The following AFF1 variants were observed in gnomAD, a reference collection of about 807,000 sequenced individuals.
AFF1 encodes ALF transcription elongation factor 1.
In AFF1, 48 loss-of-function variants were observed where a neutral mutation model predicts 121.7. The observed-to-expected ratio is 0.39, with a 90% CI of 0.31 to 0.50. AFF1 has a LOEUF of 0.50. AFF1 is among the 20% of genes least tolerant of loss of function. The pLI is 0.76. For synonymous variants in AFF1, 613 were observed against 563.0 expected, an observed-to-expected ratio of 1.09 and a Z score of -1.26; for missense variants, 1,523 against 1,511.7, an observed-to-expected ratio of 1.01 and a Z score of -0.12.
chr4:86,984,074 T>C (rs1252814388), intron 2 of AFF1, among the ~76,000 whole-genome samples: 1 of 152,096 alleles, frequency 6.6e-6, no homozygotes, highest in Non-Finnish European at 1.5e-5. Context: ...GCTTTGCCAA[T>C]GTATCTAGTG....
chr4:87,112,665 G>C (rs1240202980), intron 11 of AFF1, among the ~76,000 whole-genome samples: 2 of 152,106 alleles, frequency 1.3e-5, no homozygotes, highest in African/African-American at 4.8e-5. Flanking sequence ...TGTTCCACTC[G>C]GGAAAATTGT....
chr4:87,071,639 C>G (rs1291852188), intron 4 of AFF1, among the ~76,000 whole-genome samples: 1 of 152,162 alleles, frequency 6.6e-6, no homozygotes, highest in African/African-American at 2.4e-5. Flanking sequence ...ATGAAGTAGT[C>G]AGGAGGGCCA....
chr4:87,105,595 A>G (rs189361511), intron 8 of AFF1, 33 bp from the exon 9 acceptor site: 85 of 1,613,442 alleles, frequency 5.3e-5, no homozygotes, highest in Non-Finnish European at 4.8e-5. Flanking sequence ...ATCATTTCAC[A>G]TTCATTCTTC....
At chr4:87,076,590 A>G (rs1293040027) in intron 4 of AFF1, among the ~76,000 whole-genome samples, 3 of 152,252 alleles carry the variant, frequency 2.0e-5, no homozygotes, top group African/African-American at 7.2e-5. Flanking sequence ...AAAGCTGTTC[A>G]GAGCACCTTA....
intron 12 of AFF1, among the ~76,000 whole-genome samples, chr4:87,116,565 G>T (rs1251776304): frequency 6.6e-6 from 1 of 152,354 alleles, no homozygotes; most frequent in East Asian, 1.9e-4. Context: ...AGGAAAAAAA[G>T]ATTATGAAGC....
intron 2 of AFF1, among the ~76,000 whole-genome samples, chr4:86,998,912 G>A (rs28544381): frequency 0.039 from 5,915 of 152,244 alleles, 197 homozygotes; most frequent in African/African-American, 0.092. Context: ...TATGTGTGGA[G>A]AACAAGCCAG....
chr4:86,949,395 G>A (rs1721105622), intron 2 of AFF1, among the ~76,000 whole-genome samples: 2 of 150,708 alleles, frequency 1.3e-5, no homozygotes, highest in Admixed American at 6.6e-5. Flanking sequence ...AATTACAGGC[G>A]TGAGCCTCTG....
chr4:86,945,148 T>TA (rs1720763176), intron 1 of AFF1, among the ~76,000 whole-genome samples: 1 of 152,310 alleles, frequency 6.6e-6, no homozygotes, highest in Admixed American at 6.5e-5. Context: ...GCTTCTCAGT[T>TA]ACTCTGGAAG....
chr4:86,988,613 T>G (rs1054767784), intron 2 of AFF1, among the ~76,000 whole-genome samples: 35 of 152,298 alleles, frequency 2.3e-4, no homozygotes, highest in African/African-American at 8.2e-4. Context: ...ATGGCCATAC[T>G]GCCCAAAGTA....
chr4:87,006,828 C>T (rs572056240), intron 2 of AFF1, among the ~76,000 whole-genome samples: 3 of 152,342 alleles, frequency 2.0e-5, no homozygotes, highest in African/African-American at 4.8e-5. Context: ...CTTGTCGGCG[C>T]CCAGGCTCTG....
Position 87,136,854 on chromosome 4 carries a change from T to G in AFF1, c.*1153T>G. On this transcript the variant is annotated 3_prime_UTR_variant, in exon 21 of 21. Transcript: ENST00000395146. ...CCTTGATTGTCTAGGGGAAGTTAAC[T>G]CCCTGAGAGGATGTAGAGATTTGGG... The G allele has an allele frequency of 4.5e-6, 1 of 220,944 alleles. No individual in the cohort carries two copies. Among genetic ancestry groups the G allele is most frequent in the Middle Eastern group, 1.4e-3 (1 of 722 alleles). The allele number at this position is 220,944 out of a possible 1,614,324, so 13.7% of individuals were successfully genotyped here. A position where few individuals can be genotyped will look rare whatever the true frequency, so the allele number is the denominator to read the frequency against.
At position 87,051,919 on chromosome 4, in the gene AFF1, C is replaced by T. The variant is rs565251077; in HGVS notation, c.1059+4325C>T. ...AATATAGTTATAATGAAATCATAGGCGTTGATAAGAGTGCCGCAAGAAGTA... is the reference window on the plus strand; with the variant it reads ...AATATAGTTATAATGAAATCATAGGTGTTGATAAGAGTGCCGCAAGAAGTA... On this transcript the variant is annotated intron_variant, in intron 4 of 20. Transcript: ENST00000395146. Among the ~76,000 whole-genome samples, 228 of 152,162 alleles carry T rather than the reference C, an allele frequency of 1.5e-3. 1 individual carries two copies. The highest frequency in any genetic ancestry group is 2.4e-3 in the Non-Finnish European group (164 of 68,022).
At chr4:87,112,446 A>G (rs1410208212) in intron 11 of AFF1, among the ~76,000 whole-genome samples, 1 of 152,248 alleles carries the variant, frequency 6.6e-6, no homozygotes, top group Non-Finnish European at 1.5e-5. Flanking sequence ...AGAAAGAAAA[A>G]AGGAATTATG....
At chr4:86,964,937 A>G (rs1399660872) in intron 2 of AFF1, among the ~76,000 whole-genome samples, 2 of 152,216 alleles carry the variant, frequency 1.3e-5, no homozygotes, top group African/African-American at 2.4e-5. Context: ...CTTCAGCACT[A>G]TCTCTGTGTT....
chr4:86,964,435 C>CTTT (rs567637293), intron 2 of AFF1, among the ~76,000 whole-genome samples: 95 of 127,488 alleles, frequency 7.5e-4, no homozygotes, highest in Non-Finnish European at 1.2e-3. Flanking sequence ...TTCTATACAT[C>CTTT]TTTTTTTTTT....
chr4:87,105,964 A>G, intron 10 of AFF1, 119 bp downstream of exon 10: 2 of 1,276,062 alleles, frequency 1.6e-6, no homozygotes, highest in African/African-American at 1.5e-5. Context: ...CTGAAGGATC[A>G]CAGTAAAAGG....
chr4:87,022,499 A>G (rs911919597), intron 2 of AFF1, among the ~76,000 whole-genome samples: 6 of 142,530 alleles, frequency 4.2e-5, no homozygotes, highest in African/African-American at 1.5e-4. Flanking sequence ...CAAAATCCAA[A>G]TAAATCAAGG....
intron 2 of AFF1, among the ~76,000 whole-genome samples, chr4:87,002,698 C>T (rs376794988): frequency 1.4e-4 from 21 of 152,020 alleles, no homozygotes; most frequent in Admixed American, 1.2e-3. Context: ...CATGAGCCAC[C>T]GTGCCCAGCT....
chr4:86,951,630 T>TG (rs1269072092), intron 2 of AFF1, among the ~76,000 whole-genome samples: 1 of 65,152 alleles, frequency 1.5e-5, no homozygotes, highest in East Asian at 4.5e-4. Flanking sequence ...TTTCTTTTTT[T>TG]TTTTTTTTTT....
Sources: gnomAD v4.1 joint callset for allele counts (sites outside exome capture counted in the v4.1 genomes callset) on GRCh38, gnomAD v4.1.1 for gene constraint, MANE v1.5 for transcripts, NCBI Gene and HGNC (gene_info 2026-07-23, HGNC 2026-07-21) for gene names.